Variants in IQGAP2 observed in about 807,000 individuals in gnomAD.
The protein encoded by IQGAP2 is IQ motif containing GTPase activating protein 2, also known as ras GTPase-activating-like protein IQGAP2.
IQGAP2 carries 173 observed loss-of-function variants against 201.3 expected under a neutral mutation model. The ratio of observed to expected loss-of-function variants is 0.86; its 90% confidence interval spans 0.76 to 0.98. The LOEUF is 0.98. Among genes scored for constraint, IQGAP2 ranks in the 50% least tolerant of loss-of-function variants. The pLI, the probability that IQGAP2 is intolerant of heterozygous loss-of-function variation, is 0.00. For missense variants in IQGAP2, 1,687 were observed against 1,864.8 expected (o/e 0.90, Z 1.76); for synonymous variants, 675 against 673.9 (o/e 1.00, Z -0.03).
chr5:76,675,576 C>G (rs769324408), intron 27 of IQGAP2, among the ~76,000 whole-genome samples: 2 of 152,132 alleles, frequency 1.3e-5, no homozygotes, highest in Non-Finnish European at 2.9e-5. Context: ...TTCACTCCTC[C>G]TGGAGCTCTG....
At chr5:76,622,681 T>G (rs1749817690) in intron 13 of IQGAP2, among the ~76,000 whole-genome samples, 1 of 152,120 alleles carries the variant, frequency 6.6e-6, no homozygotes, top group Non-Finnish European at 1.5e-5. Context: ...CCACTTAAAG[T>G]CAAAAAAGGT....
chr5:76,551,859 G>C (rs1408839760), intron 2 of IQGAP2, among the ~76,000 whole-genome samples: 1 of 145,976 alleles, frequency 6.9e-6, no homozygotes. Context: ...AGGGAGACGG[G>C]AGAGGGAGAC....
intron 2 of IQGAP2, among the ~76,000 whole-genome samples, chr5:76,462,132 G>T (rs1754492722): frequency 6.6e-6 from 1 of 152,160 alleles, no homozygotes; most frequent in Admixed American, 6.6e-5. Context: ...GAAATCACGG[G>T]GCCAACTGCA....
chr5:76,576,148 C>A (rs1197237022), intron 5 of IQGAP2, among the ~76,000 whole-genome samples: 1 of 152,064 alleles, frequency 6.6e-6, no homozygotes, highest in Non-Finnish European at 1.5e-5. Flanking sequence ...CTTTAATAGT[C>A]ATAATTTTGG....
chr5:76,485,151 C>T (rs1350154873), intron 2 of IQGAP2, among the ~76,000 whole-genome samples: 1 of 152,062 alleles, frequency 6.6e-6, no homozygotes, highest in Non-Finnish European at 1.5e-5. Flanking sequence ...ACCTGCTTTC[C>T]CTATAACACC....
intron 28 of IQGAP2, among the ~76,000 whole-genome samples, chr5:76,680,421 A>T (rs983995737): frequency 2.0e-5 from 3 of 152,202 alleles, no homozygotes; most frequent in African/African-American, 7.2e-5. Context: ...GTGACCTTGG[A>T]TTAGGCAGTA....
chr5:76,438,189 G>A (rs1441840703), intron 1 of IQGAP2, among the ~76,000 whole-genome samples: 3 of 151,856 alleles, frequency 2.0e-5, no homozygotes, highest in Admixed American at 1.3e-4. Flanking sequence ...ATGTCTGGTC[G>A]AGTTCAGCTG....
At chr5:76,575,670 A>G in intron 4 of IQGAP2, 23 bp from the exon 5 acceptor site, 1 of 1,455,710 alleles carries the variant, frequency 6.9e-7, no homozygotes, top group Non-Finnish European at 9.5e-7. Context: ...CATATAATAA[A>G]TATTGTTTCT....
intron 13 of IQGAP2, chr5:76,623,394 G>A (rs1051187207): frequency 1.6e-5 from 11 of 694,832 alleles, no homozygotes; most frequent in Admixed American, 8.5e-5. Flanking sequence ...CTGGTCCTCC[G>A]CAGGGAAAGG....
rs146662176 is a variant in IQGAP2, at chr5:76,662,553, A to G, written c.2530-2473A>G. The stretch of plus-strand genomic sequence containing the variant: ...ATAGGTAACAAGACTTTCCTGTCGT[A>G]TATTTAAAATCAAGGTGATAGATTT... On this transcript the variant is annotated intron_variant, in intron 21 of 35. Transcript: ENST00000274364. 2.3e-3 allele frequency among the ~76,000 whole-genome samples: 355 copies of G among 152,346 alleles called. 1 individual carries two copies. Among genetic ancestry groups the G allele is most frequent in the African/African-American group, 8.3e-3 (344 of 41,582 alleles).
chr5:76,673,902 C>A (rs1457383737), intron 25 of IQGAP2, 50 bp from the exon 26 acceptor site: 3 of 1,097,146 alleles, frequency 2.7e-6, no homozygotes, highest in Non-Finnish European at 4.2e-6. Context: ...GTTTTTTCCT[C>A]ACTCCGCCTT....
Position 76,702,477 on chromosome 5 carries a change from C to T in IQGAP2, c.4506-5C>T. 1 of 1,368,896 alleles carries T rather than the reference C, an allele frequency of 7.3e-7. No homozygotes were observed. Among genetic ancestry groups the T allele is most frequent in the Non-Finnish European group, 1.0e-6 (1 of 959,060 alleles). 84.8% of individuals were successfully genotyped at this position (1,368,896 alleles called of 1,614,324 possible). On this transcript the variant is annotated splice_polypyrimidine_tract_variant and splice_region_variant and intron_variant, in intron 34 of 35. Transcript: ENST00000274364. ...TCTCATGTATGAATGTTCCTTTCTT[C>T]ACAGGTTTAAGAATGTTACATTTGA...
intron 5 of IQGAP2, among the ~76,000 whole-genome samples, chr5:76,577,449 T>A (rs891337730): frequency 2.0e-5 from 3 of 152,244 alleles, no homozygotes; most frequent in Non-Finnish European, 4.4e-5. Flanking sequence ...CTTTTACTCA[T>A]CCTGGAGGGG....
intron 13 of IQGAP2, among the ~76,000 whole-genome samples, chr5:76,626,270 C>CTTTTCTTTT (rs1750221451): frequency 1.8e-4 from 15 of 83,656 alleles, no homozygotes; most frequent in African/African-American, 6.4e-4. Context: ...TTCTTCTTTT[C>CTTTTCTTTT]TTTTTTTTTT....
Position 76,621,840 on chromosome 5 carries a change from T to C in IQGAP2, c.1522-5570T>C, listed in dbSNP as rs149395279. Among the ~76,000 whole-genome samples the C allele has an allele frequency of 3.9e-5, 6 of 152,274 alleles. No homozygotes were observed. The East Asian group carries it at 1.2e-3, about 29-fold the overall frequency. On this transcript the variant is annotated intron_variant, in intron 13 of 35. Coordinates refer to ENST00000274364, the MANE Select transcript of IQGAP2 (RefSeq NM_006633.5). ...TCCATTGGGCATAATATTTCGGAAA[T>C]GTTTTTCTATCCGGGAAAAGGCCTT...
chr5:76,589,535 T>C, intron 6 of IQGAP2, 80 bp from the exon 7 acceptor site: 1 of 698,086 alleles, frequency 1.4e-6, no homozygotes, highest in Non-Finnish European at 2.3e-6. Context: ...CATTTCTTGA[T>C]ATGATTGTAC....
intron 28 of IQGAP2, chr5:76,677,555 A>G (rs1252121599): frequency 1.4e-5 from 6 of 416,136 alleles, no homozygotes; most frequent in Non-Finnish European, 2.1e-5. Context: ...CTATTTTTAC[A>G]TAATTATTCC....
At chr5:76,577,418 T>C (rs573738350) in intron 5 of IQGAP2, among the ~76,000 whole-genome samples, 1 of 152,352 alleles carries the variant, frequency 6.6e-6, no homozygotes, top group African/African-American at 2.4e-5. Flanking sequence ...TTTCAGTTAT[T>C]CATCATAGAC....
rs776253845 is a variant in IQGAP2 at position 76,665,164 on chromosome 5, T to C, written c.2668T>C (p.Tyr890His). 130 of 1,612,740 alleles carry C rather than the reference T, an allele frequency of 8.1e-5. No homozygotes were observed. The highest frequency in any genetic ancestry group is 1.1e-4 in the Non-Finnish European group (125 of 1,179,502). The change falls in exon 22 of 36, where the codon TAC becomes CAC. Residue 890 changes from tyrosine (Y) to histidine (H), a missense_variant. Coordinates refer to ENST00000274364, the MANE Select transcript of IQGAP2 (RefSeq NM_006633.5). The stretch of plus-strand genomic sequence containing the variant: ...ACTAGAAACATATCAGCAGCTGTTT[T>C]ACCTTTTACAGGTGAGAACAATTTA... The part of the protein sequence containing the change: ...KTLETYQQLF[Y>H]LLQTNPLYLA...
Sources: allele counts gnomAD v4.1 joint callset (sites outside exome capture counted in the v4.1 genomes callset), GRCh38; gene constraint gnomAD v4.1.1; transcripts MANE v1.5; gene names NCBI Gene and HGNC (gene_info 2026-07-23, HGNC 2026-07-21).